TFCP2: variants seen among roughly 807,000 people sequenced by gnomAD.
TFCP2 encodes the protein transcription factor CP2.
Under a neutral mutation model 73.4 loss-of-function variants are expected in TFCP2, and 33 were observed. The observed-to-expected ratio is 0.45, with a 90% CI of 0.34 to 0.60. TFCP2 has a LOEUF of 0.60. Ranked by LOEUF, TFCP2 falls within the 20% of genes least tolerant of loss-of-function variation. The probability of loss-of-function intolerance (pLI) is 0.01; values close to 1 mark genes in which losing one functional copy is unlikely to be tolerated. For synonymous variants in TFCP2, 193 were observed against 211.6 expected, an observed-to-expected ratio of 0.91 and a Z score of 0.76; for missense variants, 352 against 604.0, an observed-to-expected ratio of 0.58 and a Z score of 4.37.
intron 1 of TFCP2, chr12:51,124,778 C>T: frequency 1.2e-6 from 1 of 807,132 alleles, no homozygotes. Flanking sequence ...CAACCTTTTT[C>T]TGCTGCTCAG....
At chr12:51,107,019 G>A in intron 7 of TFCP2, 1 of 594,084 alleles carries the variant, frequency 1.7e-6, no homozygotes, top group Non-Finnish European at 3.0e-6. Flanking sequence ...AACCAAACCA[G>A]AGTAATTTGG....
chr12:51,100,139 A>G (rs1243237100), intron 11 of TFCP2, among the ~76,000 whole-genome samples: 1 of 152,198 alleles, frequency 6.6e-6, no homozygotes, highest in Non-Finnish European at 1.5e-5. Flanking sequence ...ATTCACTTAC[A>G]TTACCTGTAT....
In TFCP2 at chr12:51,117,686, A is replaced by C. The variant is rs777480029; in HGVS notation, c.336T>G (p.Asn112Lys). ...NRKLGELPEINGKLVKSIFRV... is the reference protein window; with the variant it reads ...NRKLGELPEIKGKLVKSIFRV... ...TTCGTTTTACCTTCACCAATTTGCC[A>C]TTAATTTCTGGAAGTTCTCCAAGTT... The change falls in exon 3 of 15, where the codon AAT becomes AAG. Residue 112 changes from asparagine (N) to lysine (K), a missense_variant. Coordinates refer to ENST00000257915, the MANE Select transcript of TFCP2 (RefSeq NM_005653.5). The C allele has an allele frequency of 6.2e-7, 1 of 1,612,720 alleles. No homozygotes were observed. The highest frequency in any genetic ancestry group is 1.1e-5 in the South Asian group (1 of 90,944).
At chr12:51,134,791 A>C (rs1232643692) in intron 1 of TFCP2, among the ~76,000 whole-genome samples, 1 of 152,266 alleles carries the variant, frequency 6.6e-6, no homozygotes. Context: ...TAAGTACAGG[A>C]ATAATATCTA....
At chr12:51,125,801 G>A (rs1028191974) in intron 1 of TFCP2, among the ~76,000 whole-genome samples, 15 of 152,100 alleles carry the variant, frequency 9.9e-5, no homozygotes, top group African/African-American at 3.6e-4. Context: ...AAAATATAAA[G>A]ATACAGAAAT....
chr12:51,119,830 T>C (rs531129367), intron 1 of TFCP2, among the ~76,000 whole-genome samples: 1 of 152,094 alleles, frequency 6.6e-6, no homozygotes, highest in East Asian at 1.9e-4. Flanking sequence ...CATTGGTACT[T>C]ATCCAAGAAA....
intron 1 of TFCP2, among the ~76,000 whole-genome samples, chr12:51,159,330 TTTTAA>T (rs1407031837): frequency 6.6e-6 from 1 of 151,748 alleles, no homozygotes. Context: ...TTTCTTTTAT[TTTTAA>T]TTTATTTTTT....
chr12:51,106,763 C>T (rs993137411), intron 7 of TFCP2, 150 bp from the exon 8 acceptor site: 14 of 644,720 alleles, frequency 2.2e-5, no homozygotes, highest in Admixed American at 9.2e-5. Context: ...CTTCTCTTTC[C>T]GCCATCTTGG....
intron 4 of TFCP2, among the ~76,000 whole-genome samples, chr12:51,114,848 G>A (rs1410192843): frequency 1.3e-5 from 2 of 151,508 alleles, no homozygotes; most frequent in African/African-American, 4.8e-5. Flanking sequence ...CAGATCAAGA[G>A]GTCAAGAGAT....
At chr12:51,111,039 A>T (rs113077715) in intron 4 of TFCP2, 56 bp from the exon 5 acceptor site, 2 of 1,219,624 alleles carry the variant, frequency 1.6e-6, no homozygotes. Context: ...AGTTTTAAAT[A>T]AGAAAGCATT....
intron 1 of TFCP2, among the ~76,000 whole-genome samples, chr12:51,151,326 C>A (rs1416480714): frequency 6.6e-6 from 1 of 152,174 alleles, no homozygotes; most frequent in Non-Finnish European, 1.5e-5. Context: ...ATCTGATGAA[C>A]ATTTTAAAGA....
intron 1 of TFCP2, among the ~76,000 whole-genome samples, chr12:51,145,424 GGT>G (rs1289075324): frequency 2.1e-5 from 3 of 144,630 alleles, no homozygotes; most frequent in Admixed American, 2.1e-4. Flanking sequence ...AAATTAGCCG[GGT>G]GTGGTGGTAC....
intron 4 of TFCP2, among the ~76,000 whole-genome samples, chr12:51,115,039 C>T (rs1592799153): frequency 8.8e-6 from 1 of 113,002 alleles, no homozygotes; most frequent in Admixed American, 1.2e-4. Flanking sequence ...CCAGCCTGGG[C>T]AACAAGAGCG....
intron 8 of TFCP2, 56 bp from the exon 9 acceptor site, chr12:51,104,259 A>G: frequency 2.1e-6 from 3 of 1,443,662 alleles, no homozygotes; most frequent in Non-Finnish European, 2.9e-6. Context: ...GGGGCTCATT[A>G]TTTCATTCCT....
At chr12:51,152,296 C>T (rs1172075050) in intron 1 of TFCP2, among the ~76,000 whole-genome samples, 1 of 152,110 alleles carries the variant, frequency 6.6e-6, no homozygotes, top group Non-Finnish European at 1.5e-5. Flanking sequence ...GAAGGATGCT[C>T]TACAAAATAA....
intron 1 of TFCP2, among the ~76,000 whole-genome samples, chr12:51,157,532 G>A (rs1403008989): frequency 6.6e-6 from 1 of 151,962 alleles, no homozygotes; most frequent in Non-Finnish European, 1.5e-5. Flanking sequence ...GGGCTCAAGT[G>A]ATACTCCCAT....
Position 51,104,178 on chromosome 12 carries a change from C to T in TFCP2, c.943G>A (p.Glu315Lys). The T allele has an allele frequency of 6.2e-7, 1 of 1,614,086 alleles. No individual in the cohort carries two copies. Among genetic ancestry groups the T allele is most frequent in the Non-Finnish European group, 8.5e-7 (1 of 1,180,008 alleles). The part of the protein sequence containing the change: ...EGNGSPNHQP[E>K]PPPPVTDNLL... The stretch of plus-strand genomic sequence containing the variant: ...ACATCTGTGACTGGAGGGGGTGGCT[C>T]TGGCTGGTGGTTTGGTGAACCATTT... Residue 315 changes from glutamate to lysine, a missense_variant, in exon 9 of 15, where the codon GAG (glutamate) becomes AAG (lysine). Around this residue, in one of 6 missense-constraint regions of TFCP2, gnomAD observed 194 missense variants for 256.3 expected, o/e 0.76. Coordinates refer to ENST00000257915, the MANE Select transcript of TFCP2 (RefSeq NM_005653.5).
At chr12:51,145,462 A>C (rs1439433955) in intron 1 of TFCP2, among the ~76,000 whole-genome samples, 1 of 143,500 alleles carries the variant, frequency 7.0e-6, no homozygotes, top group Non-Finnish European at 1.5e-5. Context: ...GCTACTTGGG[A>C]GGCTGAGACA....
intron 1 of TFCP2, among the ~76,000 whole-genome samples, chr12:51,123,103 C>T (rs1940722443): frequency 6.6e-6 from 1 of 152,174 alleles, no homozygotes; most frequent in Non-Finnish European, 1.5e-5. Flanking sequence ...GATCATGTGG[C>T]ATTACACCTA....
Sources: allele counts gnomAD v4.1 joint callset (sites outside exome capture counted in the v4.1 genomes callset), GRCh38; gene constraint gnomAD v4.1.1; regional missense constraint gnomAD v4.1.1; transcripts MANE v1.5; gene names NCBI Gene and HGNC (gene_info 2026-07-23, HGNC 2026-07-21).